Variants in GALNTL6 observed in about 807,000 individuals in gnomAD.
GALNTL6 encodes polypeptide N-acetylgalactosaminyltransferase-like 6.
GALNTL6 carries 46 observed loss-of-function variants against 73.7 expected under a neutral mutation model. The observed-to-expected ratio is 0.62, with a 90% confidence interval of 0.49 to 0.80. GALNTL6 has a LOEUF of 0.80. GALNTL6 is among the 30% of genes least tolerant of loss of function. GALNTL6 has a pLI of 0.00. For missense variants in GALNTL6, 604 were observed against 755.0 expected, an observed-to-expected ratio of 0.80 and a Z score of 2.34; for synonymous variants, 259 against 263.7, an observed-to-expected ratio of 0.98 and a Z score of 0.17.
rs190732249 is a variant in GALNTL6, at chr4:171,831,959, T to C, written c.138+17241T>C. Among the ~76,000 whole-genome samples, 200 of 151,558 alleles carry C rather than the reference T, an allele frequency of 1.3e-3. 1 individual carries two copies. The highest frequency in any genetic ancestry group is 4.6e-3 in the African/African-American group (190 of 41,510). ...TTTTTATTTTTAATACTTTATATGA[T>C]TGTATGTGGTTCCTGTAAGTATATC... On this transcript the variant is annotated intron_variant, in intron 2 of 12. Coordinates refer to ENST00000506823, the MANE Select transcript of GALNTL6 (RefSeq NM_001034845.3).
chr4:172,568,757 C>CAAAAAAA (rs71592082), intron 5 of GALNTL6, among the ~76,000 whole-genome samples: 4 of 67,068 alleles, frequency 6.0e-5, no homozygotes, highest in African/African-American at 1.9e-4. Flanking sequence ...GACTCCATCT[C>CAAAAAAA]AAAAAAAAAA....
rs117456846 is a variant in GALNTL6 at position 172,700,574 on chromosome 4, A to G, written c.554-108787A>G. On this transcript the variant is annotated intron_variant, in intron 5 of 12. Transcript: ENST00000506823. ...TAGTGTGGTTTACCTGGTAATGAGG[A>G]TAGAAATGAGGTCAGCCGGTTTTCC... is the stretch of plus-strand genomic sequence containing the variant. Among the ~76,000 whole-genome samples the G allele has an allele frequency of 7.9e-4, 120 of 152,252 alleles. 4 individuals are homozygous for G. The East Asian group carries it at 0.017, about 21-fold the overall frequency.
intron 2 of GALNTL6, among the ~76,000 whole-genome samples, chr4:172,159,659 C>A (rs1382119133): frequency 6.6e-6 from 1 of 152,092 alleles, no homozygotes; most frequent in Non-Finnish European, 1.5e-5. Flanking sequence ...ATGAACAAGG[C>A]TGGAGTTTTG....
At chr4:171,939,587 A>ATGCAAACTG (rs1159748495) in intron 2 of GALNTL6, among the ~76,000 whole-genome samples, 3 of 152,062 alleles carry the variant, frequency 2.0e-5, no homozygotes, top group Admixed American at 2.0e-4. Context: ...TCCCCAAATC[A>ATGCAAACTG]TGCAAACTGT....
intron 10 of GALNTL6, among the ~76,000 whole-genome samples, chr4:172,953,261 C>T (rs1020763827): frequency 2.6e-5 from 4 of 152,216 alleles, no homozygotes; most frequent in African/African-American, 9.7e-5. Context: ...AATACTGTTG[C>T]TATAGCCTTT....
chr4:171,969,405 A>G (rs1007383852), intron 2 of GALNTL6, among the ~76,000 whole-genome samples: 30 of 152,220 alleles, frequency 2.0e-4, no homozygotes, highest in African/African-American at 6.8e-4. Flanking sequence ...CACCATGTGT[A>G]TACAGAGCAT....
At chr4:172,886,806 ATTATT>A (rs1358613590) in intron 8 of GALNTL6, among the ~76,000 whole-genome samples, 8 of 152,020 alleles carry the variant, frequency 5.3e-5, no homozygotes, top group Non-Finnish European at 1.5e-5. Context: ...GATCTTTTGT[ATTATT>A]TTATTAGTCT....
Position 172,069,463 on chromosome 4 carries a change from T to C in GALNTL6, c.139-160193T>C, listed in dbSNP as rs1220579311. Among the ~76,000 whole-genome samples, 2 of 62,522 alleles carry C rather than the reference T, an allele frequency of 3.2e-5. 1 individual carries two copies. Among genetic ancestry groups the C allele is most frequent in the Non-Finnish European group, 7.5e-5 (2 of 26,800 alleles). 41.0% of individuals were successfully genotyped at this position (62,522 alleles called of 152,430 possible). A position where few individuals can be genotyped will look rare whatever the true frequency, so the allele number is the denominator to read the frequency against. ...ATATATATGTAATATATAACACACATATAACATATATGTTATATATAACAC... is the reference window on the plus strand; with the variant it reads ...ATATATATGTAATATATAACACACACATAACATATATGTTATATATAACAC... On this transcript the variant is annotated intron_variant, in intron 2 of 12. Transcript: ENST00000506823.
chr4:172,893,119 G>A (rs1209900036), intron 8 of GALNTL6, among the ~76,000 whole-genome samples: 2 of 152,192 alleles, frequency 1.3e-5, no homozygotes, highest in East Asian at 1.9e-4. Flanking sequence ...TTTCTGCAGC[G>A]TCTGCCCCAG....
chr4:171,941,620 T>C (rs939691145), intron 2 of GALNTL6, among the ~76,000 whole-genome samples: 3 of 152,188 alleles, frequency 2.0e-5, no homozygotes, highest in African/African-American at 7.2e-5. Flanking sequence ...CCACTGCTCC[T>C]TTAGATGGCC....
At chr4:172,062,582 C>G (rs563452985) in intron 2 of GALNTL6, among the ~76,000 whole-genome samples, 1 of 152,140 alleles carries the variant, frequency 6.6e-6, no homozygotes, top group African/African-American at 2.4e-5. Flanking sequence ...TAAAGGCTAT[C>G]GATAAATTTT....
chr4:172,757,275 G>A (rs1398133996), intron 5 of GALNTL6, among the ~76,000 whole-genome samples: 1 of 152,086 alleles, frequency 6.6e-6, no homozygotes, highest in Non-Finnish European at 1.5e-5. Context: ...TTCTACATTG[G>A]AATAGAAAAT....
At chr4:172,703,997 ACT>A in intron 5 of GALNTL6, among the ~76,000 whole-genome samples, 1 of 151,772 alleles carries the variant, frequency 6.6e-6, no homozygotes, top group East Asian at 1.9e-4. Context: ...TGTTCATAAT[ACT>A]CTCTAATGAT....
chr4:172,582,747 GACAC>G (rs35246163), intron 5 of GALNTL6, among the ~76,000 whole-genome samples: 15,166 of 142,686 alleles, frequency 0.11, 970 homozygotes, highest in Middle Eastern at 0.24. Context: ...CACACACACA[GACAC>G]ACACACACAC....
At chr4:171,945,434 G>T (rs2111021171) in intron 2 of GALNTL6, among the ~76,000 whole-genome samples, 1 of 152,240 alleles carries the variant, frequency 6.6e-6, no homozygotes, top group Non-Finnish European at 1.5e-5. Context: ...AAGCAGCAAT[G>T]CAGTGAAGAG....
chr4:172,177,791 A>ATATATATAAACACACATATATGTGTGTG (rs1735074679), intron 2 of GALNTL6, among the ~76,000 whole-genome samples: 2 of 101,788 alleles, frequency 2.0e-5, no homozygotes, highest in Admixed American at 1.0e-4. Context: ...ACACATGTGT[A>ATATATATAAACACACATATATGTGTGTG]TATATATACA....
intron 2 of GALNTL6, among the ~76,000 whole-genome samples, chr4:171,955,170 T>C (rs1371982319): frequency 6.6e-6 from 1 of 152,104 alleles, no homozygotes; most frequent in Non-Finnish European, 1.5e-5. Context: ...GTTCACAATT[T>C]GAGTGATTTT....
At position 172,176,342 on chromosome 4, in the gene GALNTL6, A is replaced by AAAAAAAAAAAAG. The variant is rs1233452362; in HGVS notation, c.139-53303_139-53302insGAAAAAAAAAAA. Among the ~76,000 whole-genome samples the AAAAAAAAAAAAG allele has an allele frequency of 2.0e-5, 3 of 148,060 alleles. 1 individual carries two copies. In the East Asian group the frequency reaches 5.8e-4, roughly 29 times the overall value. On this transcript the variant is annotated intron_variant, in intron 2 of 12. Coordinates refer to ENST00000506823, the MANE Select transcript of GALNTL6 (RefSeq NM_001034845.3). Reference sequence around the variant, plus strand: ...GCGACAGCGAGACTCCGTCTCAAAAAAAAAAAAAAAAAAAGAGTGTATTCA... The same window carrying AAAAAAAAAAAAG: ...GCGACAGCGAGACTCCGTCTCAAAAAAAAAAAAAAAAGAAAAAAAAAAAAAAGAGTGTATTCA...
At chr4:171,856,758 C>T (rs957561148) in intron 2 of GALNTL6, among the ~76,000 whole-genome samples, 5 of 152,044 alleles carry the variant, frequency 3.3e-5, no homozygotes, top group African/African-American at 7.2e-5. Context: ...TGGGTATATT[C>T]CTTGGCTTTT....
Sources: gnomAD v4.1 joint callset for allele counts (sites outside exome capture counted in the v4.1 genomes callset) on GRCh38, gnomAD v4.1.1 for gene constraint, MANE v1.5 for transcripts, NCBI Gene and HGNC (gene_info 2026-07-23, HGNC 2026-07-21) for gene names.